The following ARFGAP1 variants were observed in gnomAD, a reference collection of about 807,000 sequenced individuals.
The protein encoded by ARFGAP1 is ARF GTPase activating protein 1.
A neutral mutation model predicts 54.0 loss-of-function variants in ARFGAP1; 26 were observed. The observed-to-expected ratio is 0.48, with a 90% CI of 0.35 to 0.67. The LOEUF is 0.67. Among genes scored for constraint, ARFGAP1 ranks in the 30% least tolerant of loss-of-function variants. The pLI, the probability that ARFGAP1 is intolerant of heterozygous loss-of-function variation, is 0.00. For missense variants in ARFGAP1, 525 were observed against 535.8 expected, an observed-to-expected ratio of 0.98 and a Z score of 0.20; for synonymous variants, 248 against 211.9, an observed-to-expected ratio of 1.17 and a Z score of -1.48.
rs529970160 is a variant in ARFGAP1 at position 63,280,002 on chromosome 20, G to C, written c.627+1007G>C. ...AAAAAAATATAAAAATTAGCCAGGC[G>C]GGGTGGCATGTGCCTTGTAGCCCCA... On this transcript the variant is annotated intron_variant, in intron 7 of 12. Transcript: ENST00000370283. 4.7e-4 allele frequency among the ~76,000 whole-genome samples: 71 copies of C among 152,282 alleles called. 4 individuals are homozygous for C. The South Asian group carries it at 0.011, about 23-fold the overall frequency.
intron 1 of ARFGAP1, chr20:63,273,665 A>G (rs1459316117): frequency 6.6e-6 from 1 of 152,208 alleles, no homozygotes; most frequent in African/African-American, 2.4e-5. Flanking sequence ...TTCTGTGAGT[A>G]TCCTGTATGT....
Position 63,276,059 on chromosome 20 carries a change from C to T in ARFGAP1, c.61-32C>T, listed in dbSNP as rs2067228354. On this transcript the variant is annotated intron_variant, in intron 2 of 12. Transcript: ENST00000370283. This position sits in a 1 kb window ranked among gnomAD's most constrained non-coding sequence, Gnocchi z 5.2. Reference sequence around the variant, plus strand: ...GGGGTCCCTGGGCTCTGCCCTGAGCCACCTGGTGAGTCACTTGTGGCCCCT... The same window carrying T: ...GGGGTCCCTGGGCTCTGCCCTGAGCTACCTGGTGAGTCACTTGTGGCCCCT... 1 of 1,602,740 alleles carries T rather than the reference C, an allele frequency of 6.2e-7. No individual in the cohort carries two copies. The highest frequency in any genetic ancestry group is 8.5e-7 in the Non-Finnish European group (1 of 1,170,422).
Position 63,288,750 on chromosome 20 carries a change from G to C in ARFGAP1, c.*877G>C. 1 of 346,240 alleles carries C rather than the reference G, an allele frequency of 2.9e-6. No homozygotes were observed. Among genetic ancestry groups the C allele is most frequent in the South Asian group, 2.2e-5 (1 of 45,918 alleles). The allele number at this position is 346,240 out of a possible 1,614,324, so 21.4% of individuals were successfully genotyped here. A position where few individuals can be genotyped will look rare whatever the true frequency, so the allele number is the denominator to read the frequency against. The stretch of plus-strand genomic sequence containing the variant: ...TCCAGCCCCAGGATGGGGCTGCCCT[G>C]CACACCGGTGCCCGCCACATGCCAA... On this transcript the variant is annotated 3_prime_UTR_variant, in exon 13 of 13. Transcript: ENST00000370283.
At position 63,286,456 on chromosome 20, in the gene ARFGAP1, C is replaced by T. The variant is rs757527638; in HGVS notation, c.911+14C>T. 6.2e-7 allele frequency: 1 copy of T among 1,610,798 alleles called. No homozygotes were observed. The highest frequency in any genetic ancestry group is 8.5e-7 in the Non-Finnish European group (1 of 1,178,416). ...CCCCTTGGACAGGTATGCTGTGTCC[C>T]CTCCTGGGCCTTGCATCCCACTCCC... On this transcript the variant is annotated intron_variant, in intron 12 of 12. Coordinates refer to ENST00000370283, the MANE Select transcript of ARFGAP1 (RefSeq NM_018209.4).
intron 12 of ARFGAP1, among the ~76,000 whole-genome samples, chr20:63,287,264 C>G (rs2067582656): frequency 6.6e-6 from 1 of 152,280 alleles, no homozygotes. Flanking sequence ...CCCCTCCCCA[C>G]TTGACTAAAC....
At chr20:63,274,413 TCTGC>T (rs79187534) in intron 1 of ARFGAP1, among the ~76,000 whole-genome samples, 5,164 of 150,982 alleles carry the variant, frequency 0.034, 121 homozygotes, top group South Asian at 0.074. Flanking sequence ...TTTTAAAAGC[TCTGC>T]CTACACTGTG....
At chr20:63,277,924 GC>G (rs1221654760) in intron 5 of ARFGAP1, among the ~76,000 whole-genome samples, 192 bp from the exon 6 acceptor site, 2 of 152,210 alleles carry the variant, frequency 1.3e-5, no homozygotes, top group Non-Finnish European at 2.9e-5. Flanking sequence ...TGCCCATGAG[GC>G]TGGCATTGCT....
rs780451093 is a variant in ARFGAP1 at position 63,284,898 on chromosome 20, C to A, written c.750C>A (p.Asn250Lys). 4 of 1,613,198 alleles carry A rather than the reference C, an allele frequency of 2.5e-6. No homozygotes were observed. The South Asian group carries it at 4.4e-5, about 18-fold the overall frequency. The change falls in exon 10 of 13, where the codon AAC becomes AAA. Residue 250 changes from asparagine (N) to lysine (K), a missense_variant. Physicochemically the swap from Asn to Lys is moderately conservative, Grantham distance 94. Around this residue, in one of 3 missense-constraint regions of ARFGAP1, gnomAD observed 466 missense variants for 453.6 expected, o/e 1.03. Coordinates refer to ENST00000370283, the MANE Select transcript of ARFGAP1 (RefSeq NM_018209.4). ...ASELGHSLNE[N>K]VLKPAQEKVK... The stretch of plus-strand genomic sequence containing the variant: ...AGCTGGGCCACAGCCTGAACGAGAA[C>A]GTCCTCAAGCCTGCGCAGGAGAAGG...
In ARFGAP1 at chr20:63,278,449, C is replaced by A. The variant is rs1197079044; in HGVS notation, c.530+246C>A. 5 of 503,778 alleles carry A rather than the reference C, an allele frequency of 9.9e-6. No individual in the cohort carries two copies. The Admixed American group carries it at 1.3e-4, about 14-fold the overall frequency. The allele number at this position is 503,778 out of a possible 1,614,324, so 31.2% of individuals were successfully genotyped here. On this transcript the variant is annotated intron_variant, in intron 6 of 12. Coordinates refer to ENST00000370283, the MANE Select transcript of ARFGAP1 (RefSeq NM_018209.4). The stretch of plus-strand genomic sequence containing the variant: ...GGGGTCTTAGATGTATTGCAGTGAC[C>A]CCCAGCTGCCCAGGTGTGAATTGGG...
chr20:63,286,101 C>T (rs988362340), intron 11 of ARFGAP1: 36 of 1,550,006 alleles, frequency 2.3e-5, no homozygotes, highest in African/African-American at 8.2e-5. Context: ...GAGCAGGCCT[C>T]GCTCCTCCCC....
chr20:63,286,072 C>G, intron 11 of ARFGAP1: 1 of 1,549,856 alleles, frequency 6.5e-7, no homozygotes, highest in Non-Finnish European at 8.7e-7. Context: ...AGGCGCTCTG[C>G]GGACAGACGG....
Position 63,276,250 on chromosome 20 carries a change from C to T in ARFGAP1, c.170+50C>T. 1 of 1,593,782 alleles carries T rather than the reference C, an allele frequency of 6.3e-7. No individual in the cohort carries two copies. Among genetic ancestry groups the T allele is most frequent in the Non-Finnish European group, 8.6e-7 (1 of 1,163,074 alleles). On this transcript the variant is annotated intron_variant, in intron 3 of 12. Coordinates refer to ENST00000370283, the MANE Select transcript of ARFGAP1 (RefSeq NM_018209.4). The surrounding 1 kb of genome is among the most constrained non-coding windows in gnomAD (Gnocchi z 5.2). ...TGCGGAGAGCCTGCGGCCACCCCAG[C>T]ATCTGTTCCTGACACCAGAGGTGCT...
Position 63,278,975 on chromosome 20 carries a change from G to T in ARFGAP1, c.607G>T (p.Ala203Ser). 2 of 1,613,964 alleles carry T rather than the reference G, an allele frequency of 1.2e-6. No homozygotes were observed. Among genetic ancestry groups the T allele is most frequent in the East Asian group, 2.2e-5 (1 of 44,880 alleles). The change falls in exon 7 of 13, where the codon GCC becomes TCC. Residue 203 changes from alanine (A) to serine (S), a missense_variant. Physicochemically the swap from Ala to Ser is moderately conservative, Grantham distance 99. This residue lies in a region of ARFGAP1 where 466 missense variants were observed against 453.6 expected (regional missense o/e 1.03). Coordinates refer to ENST00000370283, the MANE Select transcript of ARFGAP1 (RefSeq NM_018209.4). The stretch of plus-strand genomic sequence containing the variant: ...GAAAGAAGATGACTTCCTCAACAAC[G>T]CCATGTCCTCCCTGTACTCGGTGAG... ...QKKEDDFLNN[A>S]MSSLYSGWSS...
chr20:63,281,178 C>T (rs1451372308), intron 7 of ARFGAP1, 113 bp from the exon 8 acceptor site: 18 of 1,170,578 alleles, frequency 1.5e-5, no homozygotes, highest in African/African-American at 4.5e-5. Flanking sequence ...CAGGATGGGA[C>T]GGGGGCCTGG....
intron 6 of ARFGAP1, 95 bp from the exon 7 acceptor site, chr20:63,278,804 A>G: frequency 2.5e-6 from 3 of 1,214,924 alleles, no homozygotes; most frequent in South Asian, 1.3e-5. Flanking sequence ...CACGTCCCCC[A>G]GAGCCCCAGC....
rs757743365 is a variant in ARFGAP1 at position 63,276,432 on chromosome 20, CT to C, written c.171-47del. The C allele has an allele frequency of 5.1e-6, 8 of 1,578,068 alleles. No homozygotes were observed. The highest frequency in any genetic ancestry group is 1.7e-5 in the Admixed American group (1 of 57,684). ...GGACGATGCTGGGTGGAGGGTGTCC[CT>C]GGGTGTCCCCGGTGCTGGTTGATCT... On this transcript the variant is annotated intron_variant, in intron 3 of 12. Transcript: ENST00000370283. This position sits in a 1 kb window ranked among gnomAD's most constrained non-coding sequence, Gnocchi z 5.2.
At chr20:63,281,394 G>A in intron 8 of ARFGAP1, 47 bp downstream of exon 8, 1 of 1,555,112 alleles carries the variant, frequency 6.4e-7, no homozygotes, top group Non-Finnish European at 8.7e-7. Flanking sequence ...AGGCCCTCGG[G>A]ACACTGGCTG....
intron 11 of ARFGAP1, 135 bp from the exon 12 acceptor site, chr20:63,286,231 G>A (rs781129999): frequency 1.7e-5 from 27 of 1,548,056 alleles, no homozygotes; most frequent in Middle Eastern, 3.3e-4. Context: ...ACGTGTGTGC[G>A]AGGCACCCCT....
At position 63,283,175 on chromosome 20, in the gene ARFGAP1, C is replaced by T. The variant is rs560531730; in HGVS notation, c.717+324C>T. ...GGCAGATGGCCCACGCTGGCGGTGGCCGCTCAGCCAGAAGGGCCGCTGTGG... is the reference window on the plus strand; with the variant it reads ...GGCAGATGGCCCACGCTGGCGGTGGTCGCTCAGCCAGAAGGGCCGCTGTGG... On this transcript the variant is annotated intron_variant, in intron 9 of 12. Coordinates refer to ENST00000370283, the MANE Select transcript of ARFGAP1 (RefSeq NM_018209.4). The T allele has an allele frequency of 5.3e-4, 235 of 446,114 alleles. 1 individual carries two copies. The highest frequency in any genetic ancestry group is 4.2e-3 in the African/African-American group (213 of 50,776). 27.6% of individuals were successfully genotyped at this position (446,114 alleles called of 1,614,324 possible).
Sources: allele counts gnomAD v4.1 joint callset (sites outside exome capture counted in the v4.1 genomes callset), GRCh38; gene constraint gnomAD v4.1.1; regional missense constraint gnomAD v4.1.1; non-coding constraint Gnocchi (gnomAD v3.1); transcripts MANE v1.5; gene names NCBI Gene and HGNC (gene_info 2026-07-23, HGNC 2026-07-21).